Variants in NF2 observed in about 807,000 individuals in gnomAD.
NF2 encodes merlin.
Under a neutral mutation model 83.7 loss-of-function variants are expected in NF2, and 8 were observed. The observed-to-expected ratio is 0.10, with a 90% CI of 0.06 to 0.17. The LOEUF (loss-of-function observed/expected upper bound fraction) is 0.17, where lower values mean the gene tolerates loss of function less well. Among genes scored for constraint, NF2 ranks in the 10% least tolerant of loss-of-function variants. The pLI, the probability that NF2 is intolerant of heterozygous loss-of-function variation, is 1.00. For synonymous variants in NF2, 266 were observed against 269.6 expected, an observed-to-expected ratio of 0.99 and a Z score of 0.13; for missense variants, 533 against 744.4, an observed-to-expected ratio of 0.72 and a Z score of 3.31.
chr22:29,643,438 ACTT>A (rs1442089498), intron 4 of NF2, among the ~76,000 whole-genome samples: 8 of 152,050 alleles, frequency 5.3e-5, no homozygotes, highest in Admixed American at 5.2e-4. Flanking sequence ...GACCCTGCGG[ACTT>A]CCGCAGCGTT....
intron 7 of NF2, 126 bp downstream of exon 7, chr22:29,658,390 A>G (rs2066378302): frequency 2.2e-6 from 2 of 891,102 alleles, no homozygotes; most frequent in Non-Finnish European, 3.7e-6. Flanking sequence ...GTAAAGAAGG[A>G]AAGAGGAAGG....
At chr22:29,666,414 C>T (rs982459718) in intron 9 of NF2, among the ~76,000 whole-genome samples, 2 of 151,890 alleles carry the variant, frequency 1.3e-5, no homozygotes, top group South Asian at 4.2e-4. Flanking sequence ...GCTGGGATTA[C>T]AGGCGTGAGC....
chr22:29,607,045 A>C (rs533985028), intron 1 of NF2, among the ~76,000 whole-genome samples: 3 of 152,192 alleles, frequency 2.0e-5, no homozygotes, highest in African/African-American at 7.2e-5. Context: ...CTGTCCTGTC[A>C]CAAAACAAAA....
chr22:29,640,899 C>T (rs927884588), intron 3 of NF2, among the ~76,000 whole-genome samples: 4 of 151,788 alleles, frequency 2.6e-5, no homozygotes, highest in Non-Finnish European at 4.4e-5. Context: ...TTTGGGAGGC[C>T]GAGGCGGGTG....
chr22:29,645,869 CAT>C (rs987171005), intron 4 of NF2, among the ~76,000 whole-genome samples: 2 of 152,206 alleles, frequency 1.3e-5, no homozygotes, highest in African/African-American at 4.8e-5. Context: ...TCACAGACGA[CAT>C]ATGTGGCTCA....
chr22:29,658,583 A>G (rs1426133909), intron 7 of NF2, among the ~76,000 whole-genome samples: 1 of 151,944 alleles, frequency 6.6e-6, no homozygotes, highest in East Asian at 1.9e-4. Context: ...CACAGGGAGC[A>G]CTTGTAAGTA....
chr22:29,679,165 G>A (rs1163564658), intron 14 of NF2, among the ~76,000 whole-genome samples: 2 of 152,180 alleles, frequency 1.3e-5, no homozygotes, highest in Non-Finnish European at 2.9e-5. Context: ...AGAGTTTAGT[G>A]AACTCCACCA....
intron 5 of NF2, 46 bp from the exon 6 acceptor site, chr22:29,655,548 A>G (rs775363874): frequency 2.8e-6 from 4 of 1,424,582 alleles, no homozygotes; most frequent in Non-Finnish European, 4.0e-6. Context: ...ACAATACCAA[A>G]TTTACTTCAT....
In NF2 at chr22:29,629,173, A is replaced by C. The variant is rs375171838; in HGVS notation, c.115-7578A>C. Among the ~76,000 whole-genome samples, 10 of 152,262 alleles carry C rather than the reference A, an allele frequency of 6.6e-5. No individual in the cohort carries two copies. The South Asian group carries it at 2.1e-3, about 32-fold the overall frequency. On this transcript the variant is annotated intron_variant, in intron 1 of 15. Transcript: ENST00000338641. ...TCCTTTAATTTTGAAAGGAAACGGCATGATGGTTTTGCGGTTTAATCATGA... is the reference window on the plus strand; with the variant it reads ...TCCTTTAATTTTGAAAGGAAACGGCCTGATGGTTTTGCGGTTTAATCATGA...
chr22:29,651,332 A>G (rs893097302), intron 4 of NF2, among the ~76,000 whole-genome samples: 4 of 152,200 alleles, frequency 2.6e-5, no homozygotes, highest in Non-Finnish European at 4.4e-5. Context: ...TTTAAATTCA[A>G]TTAGTTTATG....
chr22:29,696,670 A>T lies in NF2; in HGVS notation c.*1868A>T. The stretch of plus-strand genomic sequence containing the variant: ...GGTGCCACCCAGCCACTTAGGGTCT[A>T]CAGGGTGGGACTCCAGACCTAGAGC... On this transcript the variant is annotated 3_prime_UTR_variant, in exon 16 of 16. Coordinates refer to ENST00000338641, the MANE Select transcript of NF2 (RefSeq NM_000268.4). 4.6e-6 allele frequency: 1 copy of T among 219,596 alleles called. No homozygotes were observed. Among genetic ancestry groups the T allele is most frequent in the Middle Eastern group, 1.4e-3 (1 of 740 alleles). The allele number at this position is 219,596 out of a possible 1,614,324, so 13.6% of individuals were successfully genotyped here.
intron 1 of NF2, among the ~76,000 whole-genome samples, chr22:29,624,086 G>T (rs2065281501): frequency 6.6e-6 from 1 of 152,190 alleles, no homozygotes; most frequent in Non-Finnish European, 1.5e-5. Flanking sequence ...GGGTAAATTG[G>T]CCTGGGAAAA....
intron 12 of NF2, 70 bp from the exon 13 acceptor site, chr22:29,674,766 G>T (rs1244753540): frequency 1.0e-5 from 14 of 1,366,438 alleles, no homozygotes; most frequent in African/African-American, 2.9e-5. Context: ...TCCTCTGCAG[G>T]GGTGGGGTGG....
chr22:29,610,667 A>C (rs554378634), intron 1 of NF2, among the ~76,000 whole-genome samples: 3 of 152,022 alleles, frequency 2.0e-5, no homozygotes, highest in East Asian at 1.9e-4. Flanking sequence ...AAGAAGAAAG[A>C]AAAGCAAAGC....
chr22:29,644,881 G>A (rs2065940035), intron 4 of NF2, among the ~76,000 whole-genome samples: 1 of 152,160 alleles, frequency 6.6e-6, no homozygotes, highest in South Asian at 2.1e-4. Context: ...GTATAGTCCA[G>A]CTTTGGCTCG....
rs1229299144 is a variant in NF2 at position 29,694,255 on chromosome 22, T to A, written c.1738-497T>A. Among the ~76,000 whole-genome samples the A allele has an allele frequency of 6.6e-6, 1 of 152,200 alleles. No individual in the cohort carries two copies. Among genetic ancestry groups the A allele is most frequent in the African/African-American group, 2.4e-5 (1 of 41,448 alleles). On this transcript the variant is annotated intron_variant, in intron 15 of 15. Transcript: ENST00000338641. This position sits in a 1 kb window ranked among gnomAD's most constrained non-coding sequence, Gnocchi z 4.1. ...GAAACCAGGAGTAGAAGGGGTAAAC[T>A]CTTCCTCATCTGCCACAGGCCTGCC...
At chr22:29,612,227 C>T (rs1466781692) in intron 1 of NF2, among the ~76,000 whole-genome samples, 19 of 152,010 alleles carry the variant, frequency 1.2e-4, no homozygotes, top group Admixed American at 1.2e-3. Context: ...AGGCTGGTCT[C>T]GAACTCCTGA....
At chr22:29,683,704 C>T in intron 15 of NF2, 1 of 1,072,938 alleles carries the variant, frequency 9.3e-7, no homozygotes, top group Non-Finnish European at 1.1e-6. Flanking sequence ...GCTTCAGCTT[C>T]CTCTCCATAG....
intron 1 of NF2, among the ~76,000 whole-genome samples, chr22:29,610,010 C>A (rs978030690): frequency 6.7e-6 from 1 of 149,272 alleles, no homozygotes; most frequent in East Asian, 2.0e-4. Flanking sequence ...GGATAGTATA[C>A]CCTTAAAAAA....
Sources: allele counts gnomAD v4.1 joint callset (sites outside exome capture counted in the v4.1 genomes callset), GRCh38; gene constraint gnomAD v4.1.1; non-coding constraint Gnocchi (gnomAD v3.1); transcripts MANE v1.5; gene names NCBI Gene and HGNC (gene_info 2026-07-23, HGNC 2026-07-21).